Variants in PAK5 observed in about 807,000 individuals in gnomAD.
PAK5 encodes serine/threonine-protein kinase PAK 5.
PAK5 carries 16 observed loss-of-function variants against 65.9 expected under a neutral mutation model. The ratio of observed to expected loss-of-function variants is 0.24; its 90% CI spans 0.16 to 0.37. PAK5 has a LOEUF of 0.37. Among genes scored for constraint, PAK5 ranks in the 10% least tolerant of loss-of-function variants. The pLI, the probability that PAK5 is intolerant of heterozygous loss-of-function variation, is 1.00. For missense variants in PAK5, 785 were observed against 903.9 expected, an observed-to-expected ratio of 0.87 and a Z score of 1.69; for synonymous variants, 371 against 354.9, an observed-to-expected ratio of 1.05 and a Z score of -0.51.
At chr20:9,756,944 T>A (rs1200426371) in intron 1 of PAK5, among the ~76,000 whole-genome samples, 1 of 152,208 alleles carries the variant, frequency 6.6e-6, no homozygotes, top group Admixed American at 6.5e-5. Flanking sequence ...TTTTAACTGA[T>A]GGCAGAAAGA....
intron 1 of PAK5, among the ~76,000 whole-genome samples, chr20:9,734,169 T>C (rs1569064577): frequency 6.6e-6 from 1 of 152,160 alleles, no homozygotes; most frequent in Admixed American, 6.5e-5. Flanking sequence ...AAAAGAAAAG[T>C]TGTAATCTCA....
chr20:9,730,831 T>G (rs200094258), intron 1 of PAK5, among the ~76,000 whole-genome samples: 3 of 152,206 alleles, frequency 2.0e-5, no homozygotes, highest in Admixed American at 2.0e-4. Flanking sequence ...ATCTATTATA[T>G]AAGGACTCAG....
chr20:9,546,764 A>G (rs575577368), intron 7 of PAK5, among the ~76,000 whole-genome samples: 3 of 152,340 alleles, frequency 2.0e-5, no homozygotes, highest in East Asian at 3.9e-4. Flanking sequence ...GGGCATCCCT[A>G]GTAGCCTCTA....
chr20:9,622,193 TAC>T (rs2046779358), intron 3 of PAK5, among the ~76,000 whole-genome samples: 1 of 82,024 alleles, frequency 1.2e-5, no homozygotes, highest in South Asian at 6.0e-4. Flanking sequence ...GATCATATAT[TAC>T]AGTTATCTCT....
At chr20:9,677,742 C>T (rs571065925) in intron 2 of PAK5, among the ~76,000 whole-genome samples, 2 of 152,244 alleles carry the variant, frequency 1.3e-5, no homozygotes, top group East Asian at 1.9e-4. Flanking sequence ...AAGCAACAGA[C>T]CATAATCGTA....
intron 1 of PAK5, among the ~76,000 whole-genome samples, chr20:9,834,169 A>G (rs1389947457): frequency 2.6e-5 from 4 of 152,172 alleles, no homozygotes; most frequent in Non-Finnish European, 2.9e-5. Context: ...ATTAAATGCT[A>G]TTTTACTGTT....
chr20:9,831,891 A>G (rs2123789803), intron 1 of PAK5, among the ~76,000 whole-genome samples: 1 of 152,288 alleles, frequency 6.6e-6, no homozygotes, highest in East Asian at 1.9e-4. Context: ...CTAACTTTTT[A>G]ATTTTGTTCT....
At chr20:9,660,094 T>G (rs1312000419) in intron 2 of PAK5, among the ~76,000 whole-genome samples, 1 of 152,102 alleles carries the variant, frequency 6.6e-6, no homozygotes, top group Non-Finnish European at 1.5e-5. Context: ...CCCACTTCTA[T>G]TGTAAAATCT....
At chr20:9,811,186 T>G (rs1443155727) in intron 1 of PAK5, among the ~76,000 whole-genome samples, 1 of 152,170 alleles carries the variant, frequency 6.6e-6, no homozygotes, top group African/African-American at 2.4e-5. Flanking sequence ...GATCCCCTCC[T>G]TATAAATTAA....
chr20:9,592,369 C>T (rs192777415), intron 3 of PAK5, among the ~76,000 whole-genome samples: 1 of 152,302 alleles, frequency 6.6e-6, no homozygotes, highest in African/African-American at 2.4e-5. Context: ...ATATTCATTA[C>T]TAATTTCTCT....
At chr20:9,594,645 A>G (rs1213032657) in intron 3 of PAK5, among the ~76,000 whole-genome samples, 1 of 152,218 alleles carries the variant, frequency 6.6e-6, no homozygotes, top group Non-Finnish European at 1.5e-5. Context: ...GTACCCTCCA[A>G]TGAAAAAGGA....
At chr20:9,798,560 C>T (rs1191468695) in intron 1 of PAK5, among the ~76,000 whole-genome samples, 1 of 152,128 alleles carries the variant, frequency 6.6e-6, no homozygotes, top group Non-Finnish European at 1.5e-5. Context: ...TGAGGCAAGT[C>T]ATCAGCTTAA....
chr20:9,651,569 T>A (rs2047203516), intron 2 of PAK5, among the ~76,000 whole-genome samples: 1 of 152,178 alleles, frequency 6.6e-6, no homozygotes, highest in Admixed American at 6.5e-5. Context: ...CACACGAAAG[T>A]GTGAATGTAT....
rs1428068162 is a variant in PAK5 at position 9,771,404 on chromosome 20, T to A, written c.-161-59969A>T. 4.7e-5 allele frequency among the ~76,000 whole-genome samples: 7 copies of A among 149,384 alleles called. No individual in the cohort carries two copies. The East Asian group carries it at 1.4e-3, about 29-fold the overall frequency. ...GTCAAGAAAGAGCAGATCTATAATTTAAAAAAATTTTTTTTTTTTTCTGAG... is the reference window on the plus strand; with the variant it reads ...GTCAAGAAAGAGCAGATCTATAATTAAAAAAAATTTTTTTTTTTTTCTGAG... On this transcript the variant is annotated intron_variant, in intron 1 of 9. Transcript: ENST00000353224.
At position 9,601,863 on chromosome 20, in the gene PAK5, C is replaced by A. The variant is rs534896398; in HGVS notation, c.205-20933G>T. On this transcript the variant is annotated intron_variant, in intron 3 of 9. Coordinates refer to ENST00000353224, the MANE Select transcript of PAK5 (RefSeq NM_177990.4). The stretch of plus-strand genomic sequence containing the variant: ...CCTGAACCCAACCTAAAACCCGCAG[C>A]CAACTCTAAGTGACCTGAACCTCAA... Among the ~76,000 whole-genome samples, 4 of 152,294 alleles carry A rather than the reference C, an allele frequency of 2.6e-5. No homozygotes were observed. In the East Asian group the frequency reaches 7.7e-4, roughly 29 times the overall value.
At chr20:9,631,883 C>T (rs781324007) in intron 3 of PAK5, among the ~76,000 whole-genome samples, 1 of 152,122 alleles carries the variant, frequency 6.6e-6, no homozygotes, top group African/African-American at 2.4e-5. Flanking sequence ...GATTTATCAT[C>T]AGTATAAAGT....
At chr20:9,707,080 A>T (rs561935372) in intron 2 of PAK5, among the ~76,000 whole-genome samples, 1 of 151,954 alleles carries the variant, frequency 6.6e-6, no homozygotes, top group Non-Finnish European at 1.5e-5. Context: ...CTATATTCCT[A>T]TGTCTTTAAA....
chr20:9,615,137 G>T (rs1288376834), intron 3 of PAK5, among the ~76,000 whole-genome samples: 3 of 152,188 alleles, frequency 2.0e-5, no homozygotes, highest in South Asian at 2.1e-4. Context: ...TAAAACTAAG[G>T]TGGCAATAAA....
intron 3 of PAK5, among the ~76,000 whole-genome samples, chr20:9,607,987 G>C (rs1272911373): frequency 1.3e-5 from 2 of 152,190 alleles, no homozygotes; most frequent in East Asian, 1.9e-4. Context: ...GGAATTCCAA[G>C]ATCAAGGTGC....
Sources: gnomAD v4.1 joint callset for allele counts (sites outside exome capture counted in the v4.1 genomes callset) on GRCh38, gnomAD v4.1.1 for gene constraint, MANE v1.5 for transcripts, NCBI Gene and HGNC (gene_info 2026-07-23, HGNC 2026-07-21) for gene names.